POLR2F: variants seen among roughly 807,000 people sequenced by gnomAD.
POLR2F encodes the protein DNA-directed RNA polymerases I, II, and III subunit RPABC2.
A neutral mutation model predicts 22.7 loss-of-function variants in POLR2F; 12 were observed. That is an observed-to-expected ratio of 0.53 (90% confidence interval 0.34 to 0.86). POLR2F has a LOEUF of 0.86. Ranked by LOEUF, POLR2F falls within the 40% of genes least tolerant of loss-of-function variation. The probability of loss-of-function intolerance (pLI) is 0.02; values close to 1 mark genes in which losing one functional copy is unlikely to be tolerated. For synonymous variants in POLR2F, 57 were observed against 66.0 expected, an observed-to-expected ratio of 0.86 and a Z score of 0.66; for missense variants, 126 against 171.5, an observed-to-expected ratio of 0.73 and a Z score of 1.48.
At chr22:38,023,429 CT>C (rs150842998) in intron 1 of POLR2F, among the ~76,000 whole-genome samples, 17 of 148,268 alleles carry the variant, frequency 1.1e-4, no homozygotes, top group African/African-American at 2.5e-4. Flanking sequence ...GGACTCGTGC[CT>C]TTTTTTTTTC....
upstream of POLR2F, among the ~76,000 whole-genome samples, chr22:37,983,168 T>C (rs1219892479): frequency 6.6e-6 from 1 of 152,178 alleles, no homozygotes; most frequent in Non-Finnish European, 1.5e-5. The surrounding 1 kb of genome is among the most constrained non-coding windows in gnomAD (Gnocchi z 9.5). Flanking sequence ...CCTAGGCCGC[T>C]GGAGTTCCGA....
At chr22:37,985,904 C>T (rs1345804892), upstream of POLR2F, among the ~76,000 whole-genome samples, 2 of 151,906 alleles carry the variant, frequency 1.3e-5, no homozygotes, top group Non-Finnish European at 2.9e-5. Context: ...TCTGGGGCCT[C>T]GGAGCCCAGT....
At chr22:37,992,698 C>T (rs1375290448) in intron 1 of POLR2F, among the ~76,000 whole-genome samples, 2 of 152,202 alleles carry the variant, frequency 1.3e-5, no homozygotes, top group Admixed American at 1.3e-4. Context: ...CGTGCCCGCC[C>T]CCCGGCTAAT....
At chr22:38,031,181 T>A (rs576370060), downstream of POLR2F, among the ~76,000 whole-genome samples, 30 of 151,892 alleles carry the variant, frequency 2.0e-4, no homozygotes, top group African/African-American at 6.8e-4. The surrounding 1 kb of genome is among the most constrained non-coding windows in gnomAD (Gnocchi z 4.1). Flanking sequence ...AGAGCGAGAG[T>A]TTGGGTGTCA....
At chr22:37,977,117 G>A (rs1312951081) in intron 4 of POLR2F, among the ~76,000 whole-genome samples, 5 of 149,250 alleles carry the variant, frequency 3.4e-5, no homozygotes, top group African/African-American at 1.2e-4. Context: ...GCAGTGCACC[G>A]AGATCATGCC....
chr22:37,984,644 T>A (rs1478844340), upstream of POLR2F: 1 of 152,204 alleles, frequency 6.6e-6, no homozygotes, highest in Non-Finnish European at 1.5e-5. The surrounding 1 kb of genome is among the most constrained non-coding windows in gnomAD (Gnocchi z 4.4). Flanking sequence ...AGGTGGAGCC[T>A]CCAGGCTTTC....
At chr22:38,003,547 TGAG>T (rs1233987129) in intron 1 of POLR2F, among the ~76,000 whole-genome samples, 1 of 145,962 alleles carries the variant, frequency 6.9e-6, no homozygotes, top group African/African-American at 2.6e-5. Context: ...TTAAGAAGGG[TGAG>T]GAGAGTGGTG....
intron 1 of POLR2F, among the ~76,000 whole-genome samples, chr22:37,993,358 G>T (rs900378967): frequency 2.6e-5 from 4 of 152,180 alleles, no homozygotes; most frequent in South Asian, 2.1e-4. Flanking sequence ...CCAGACCAGG[G>T]CTGGGCAGGA....
chr22:38,025,074 C>T (rs1426073742), intron 1 of POLR2F, among the ~76,000 whole-genome samples: 5 of 152,152 alleles, frequency 3.3e-5, no homozygotes, highest in African/African-American at 1.2e-4. Context: ...TCTTGGAGGT[C>T]CCTTCTGTCT....
At chr22:38,041,629 T>A (rs1475376995), downstream of POLR2F, 1 of 153,044 alleles carries the variant, frequency 6.5e-6, no homozygotes, top group Non-Finnish European at 1.5e-5. Flanking sequence ...ACCCCCATTT[T>A]ATAGTTGGGG....
downstream of POLR2F, chr22:37,973,794 G>A: frequency 1.3e-6 from 2 of 1,596,484 alleles, no homozygotes; most frequent in Non-Finnish European, 1.7e-6. Flanking sequence ...TCGGTGTAGT[G>A]TGGGGGCCCC....
rs2084918038 is a variant in POLR2F at position 38,016,667 on chromosome 22, G to A, written c.121-9202G>A. ...GGTTTATCTGGTTCCTCTTGTTTAT[G>A]AGCAGGGCTCCTTTGGCAGCGGTTC... On this transcript the variant is annotated intron_variant, in intron 1 of 2. Transcript: ENST00000333418. The surrounding 1 kb of genome is among the most constrained non-coding windows in gnomAD (Gnocchi z 4.4). Among the ~76,000 whole-genome samples, 1 of 151,842 alleles carries A rather than the reference G, an allele frequency of 6.6e-6. No individual in the cohort carries two copies. Among genetic ancestry groups the A allele is most frequent in the East Asian group, 1.9e-4 (1 of 5,180 alleles).
At chr22:37,999,317 C>A (rs987857371) in intron 1 of POLR2F, among the ~76,000 whole-genome samples, 1 of 152,158 alleles carries the variant, frequency 6.6e-6, no homozygotes, top group East Asian at 1.9e-4. Context: ...GCTGCAGGCA[C>A]CTTTGGCCGC....
chr22:38,013,895 G>T (rs889844073), intron 1 of POLR2F, among the ~76,000 whole-genome samples: 4 of 152,236 alleles, frequency 2.6e-5, no homozygotes, highest in African/African-American at 9.6e-5. Context: ...GGCTGAGGCG[G>T]GCGGATCACC....
At chr22:37,964,056 C>G (rs994785904) in intron 3 of POLR2F, among the ~76,000 whole-genome samples, 5 of 151,268 alleles carry the variant, frequency 3.3e-5, no homozygotes, top group African/African-American at 1.2e-4. Flanking sequence ...GAGCCAAGAT[C>G]GTGCCACTAA....
At chr22:37,989,325 G>C (rs1159639626) in intron 1 of POLR2F, among the ~76,000 whole-genome samples, 1 of 152,216 alleles carries the variant, frequency 6.6e-6, no homozygotes, top group Non-Finnish European at 1.5e-5. Context: ...ATAAATGTGA[G>C]TCAGAGGAAA....
At chr22:38,031,549 G>A (rs941292869), downstream of POLR2F, among the ~76,000 whole-genome samples, 9 of 152,076 alleles carry the variant, frequency 5.9e-5, no homozygotes, top group South Asian at 2.1e-4. This position sits in a 1 kb window ranked among gnomAD's most constrained non-coding sequence, Gnocchi z 4.1. Flanking sequence ...GGGCAGGCAC[G>A]GACTTCACAC....
chr22:37,970,952 C>T (rs552198598), downstream of POLR2F: 32 of 271,520 alleles, frequency 1.2e-4, no homozygotes, highest in African/African-American at 6.1e-4. Flanking sequence ...TCCAGCTTCA[C>T]GGGAACCAGC....
downstream of POLR2F, chr22:37,974,219 G>A: frequency 6.3e-7 from 1 of 1,577,056 alleles, no homozygotes; most frequent in Non-Finnish European, 8.6e-7. This position sits in a 1 kb window ranked among gnomAD's most constrained non-coding sequence, Gnocchi z 5.4. Flanking sequence ...GGGAGACAGA[G>A]AGAGAGAGCG....
Sources: gnomAD v4.1 joint callset for allele counts (sites outside exome capture counted in the v4.1 genomes callset) on GRCh38, gnomAD v4.1.1 for gene constraint, Gnocchi (gnomAD v3.1) non-coding constraint, MANE v1.5 for transcripts, NCBI Gene and HGNC (gene_info 2026-07-23, HGNC 2026-07-21) for gene names.